CACNA2D1: variants seen among roughly 807,000 people sequenced by gnomAD.
CACNA2D1 encodes the protein calcium voltage-gated channel auxiliary subunit alpha2delta 1.
CACNA2D1 carries 53 observed loss-of-function variants against 171.5 expected under a neutral mutation model. The observed-to-expected ratio is 0.31, with a 90% CI of 0.25 to 0.39. The LOEUF (loss-of-function observed/expected upper bound fraction) is 0.39. Among genes scored for constraint, CACNA2D1 ranks in the 10% least tolerant of loss-of-function variants. The probability of loss-of-function intolerance (pLI) is 1.00; values close to 1 mark genes in which losing one functional copy is unlikely to be tolerated. For synonymous variants in CACNA2D1, 442 were observed against 443.1 expected (o/e 1.00, Z 0.03); for missense variants, 903 against 1,299.8 (o/e 0.69, Z 4.69).
At chr7:82,330,910 C>T (rs1013806753) in intron 3 of CACNA2D1, among the ~76,000 whole-genome samples, 1 of 152,096 alleles carries the variant, frequency 6.6e-6, no homozygotes, top group African/African-American at 2.4e-5. Context: ...TCAAATTTCA[C>T]ATTCTTGCTG....
chr7:82,050,172 T>C (rs1389229060), intron 10 of CACNA2D1, among the ~76,000 whole-genome samples: 1 of 152,202 alleles, frequency 6.6e-6, no homozygotes, highest in African/African-American at 2.4e-5. Context: ...CTTACTTGCC[T>C]ACACAGTGCA....
chr7:82,357,178 T>C (rs1218795511), intron 1 of CACNA2D1, among the ~76,000 whole-genome samples: 1 of 152,180 alleles, frequency 6.6e-6, no homozygotes, highest in Non-Finnish European at 1.5e-5. Context: ...ATTAATATTG[T>C]TCCTTTCAAG....
chr7:82,080,779 G>A lies in CACNA2D1; in HGVS notation c.658+3990C>T, dbSNP rs139935408. ...TTGCCTGACTTTATGGCTCAGTCAT[G>A]TTTAGATTCCTTCCAGAGTTCTATT... On this transcript the variant is annotated intron_variant, in intron 7 of 38. Coordinates refer to ENST00000356860, the MANE Select transcript of CACNA2D1 (RefSeq NM_000722.4). Among the ~76,000 whole-genome samples, 841 of 152,256 alleles carry A rather than the reference G, an allele frequency of 5.5e-3. 10 individuals carry two copies. Among genetic ancestry groups the A allele is most frequent in the South Asian group, 0.024 (116 of 4,820 alleles).
chr7:82,293,528 C>T (rs951361258), intron 3 of CACNA2D1, among the ~76,000 whole-genome samples: 1 of 152,180 alleles, frequency 6.6e-6, no homozygotes, highest in East Asian at 1.9e-4. Context: ...TCTCTTGTGC[C>T]AATAGCTGCA....
At chr7:81,958,132 A>T (rs933461608) in intron 38 of CACNA2D1, among the ~76,000 whole-genome samples, 5 of 151,890 alleles carry the variant, frequency 3.3e-5, no homozygotes, top group Non-Finnish European at 7.4e-5. Flanking sequence ...TGCAATGTTG[A>T]ATTACTCTCC....
intron 38 of CACNA2D1, among the ~76,000 whole-genome samples, chr7:81,952,716 T>TTTCTTC (rs920524761): frequency 1.3e-5 from 2 of 152,104 alleles, no homozygotes; most frequent in African/African-American, 4.8e-5. Context: ...TTCTCTCTCC[T>TTTCTTC]TTCTTCTTCT....
At chr7:82,044,388 T>C (rs1804303538) in intron 10 of CACNA2D1, among the ~76,000 whole-genome samples, 1 of 152,230 alleles carries the variant, frequency 6.6e-6, no homozygotes, top group African/African-American at 2.4e-5. Context: ...GTCTTAATGT[T>C]TTATTTTCTC....
chr7:82,437,448 T>C (rs950935315), intron 1 of CACNA2D1, among the ~76,000 whole-genome samples: 3 of 152,112 alleles, frequency 2.0e-5, no homozygotes, highest in Admixed American at 1.3e-4. Flanking sequence ...TTTTCTTCCA[T>C]TTATGATACA....
chr7:82,165,239 G>A lies in CACNA2D1; in HGVS notation c.354+5311C>T, dbSNP rs571998945. On this transcript the variant is annotated intron_variant, in intron 4 of 38. Transcript: ENST00000356860. The stretch of plus-strand genomic sequence containing the variant: ...CCTCCTTTCCTGAGAGGAGAGGGAA[G>A]GAAGAGAAAGAAGGAAATTTACCCA... Among the ~76,000 whole-genome samples, 116 of 152,086 alleles carry A rather than the reference G, an allele frequency of 7.6e-4. 3 individuals are homozygous for A. In the South Asian group the frequency reaches 0.023, roughly 30 times the overall value.
intron 1 of CACNA2D1, among the ~76,000 whole-genome samples, chr7:82,383,518 G>A (rs917904118): frequency 6.6e-6 from 1 of 151,966 alleles, no homozygotes; most frequent in Non-Finnish European, 1.5e-5. Context: ...ATAGGTGATA[G>A]AACAGACTCA....
At chr7:81,982,887 T>C (rs1482524725) in intron 23 of CACNA2D1, 2 of 559,640 alleles carry the variant, frequency 3.6e-6, no homozygotes, top group Non-Finnish European at 6.3e-6. Context: ...AATTTTCTGA[T>C]CTAACCCTAC....
intron 10 of CACNA2D1, among the ~76,000 whole-genome samples, chr7:82,039,249 A>G (rs950631318): frequency 1.4e-5 from 2 of 142,224 alleles, no homozygotes; most frequent in African/African-American, 2.6e-5. Context: ...TCTTGCAAAT[A>G]TAATTCATCA....
At chr7:82,142,738 C>A (rs1207479278) in intron 4 of CACNA2D1, among the ~76,000 whole-genome samples, 1 of 152,114 alleles carries the variant, frequency 6.6e-6, no homozygotes, top group Non-Finnish European at 1.5e-5. Context: ...CAAAATATTG[C>A]AATCTTATTG....
At chr7:82,146,507 A>G (rs1309261079) in intron 4 of CACNA2D1, among the ~76,000 whole-genome samples, 2 of 123,046 alleles carry the variant, frequency 1.6e-5, no homozygotes, top group African/African-American at 5.7e-5. Flanking sequence ...TATATATATA[A>G]AGATATATAT....
intron 3 of CACNA2D1, among the ~76,000 whole-genome samples, chr7:82,177,259 A>C (rs972584439): frequency 1.3e-5 from 2 of 151,530 alleles, no homozygotes; most frequent in Non-Finnish European, 2.9e-5. Context: ...CACCTTATTC[A>C]CCTCTTCTGA....
chr7:82,103,663 G>C (rs956964222), intron 6 of CACNA2D1, among the ~76,000 whole-genome samples: 1 of 124,234 alleles, frequency 8.0e-6, no homozygotes, highest in Non-Finnish European at 1.8e-5. Context: ...ATTTGTGTGT[G>C]TATATACATA....
At chr7:82,195,540 T>C (rs1327812683) in intron 3 of CACNA2D1, among the ~76,000 whole-genome samples, 1 of 151,972 alleles carries the variant, frequency 6.6e-6, no homozygotes, top group Non-Finnish European at 1.5e-5. Flanking sequence ...TTTTTAGGTC[T>C]GTAGAATATT....
At position 82,286,488 on chromosome 7, in the gene CACNA2D1, C is replaced by T. The variant is rs147804990; in HGVS notation, c.294+48647G>A. On this transcript the variant is annotated intron_variant, in intron 3 of 38. Transcript: ENST00000356860. ...GACACAAGGTTTATCCAGGCAAAAA[C>T]AGATATACAAGTATCTTATAGCTTT... 4.3e-3 allele frequency among the ~76,000 whole-genome samples: 654 copies of T among 152,252 alleles called. 6 individuals carry two copies. Among genetic ancestry groups the T allele is most frequent in the African/African-American group, 0.015 (618 of 41,544 alleles).
chr7:82,405,736 C>G (rs1472610294), intron 1 of CACNA2D1, among the ~76,000 whole-genome samples: 1 of 152,052 alleles, frequency 6.6e-6, no homozygotes, highest in Non-Finnish European at 1.5e-5. Flanking sequence ...ATTCTCCAAC[C>G]CATCATCAAA....
Sources: gnomAD v4.1 joint callset for allele counts (sites outside exome capture counted in the v4.1 genomes callset) on GRCh38, gnomAD v4.1.1 for gene constraint, MANE v1.5 for transcripts, NCBI Gene and HGNC (gene_info 2026-07-23, HGNC 2026-07-21) for gene names.